The following PODXL2 variants were observed in gnomAD, a reference collection of about 807,000 sequenced individuals.
PODXL2 encodes podocalyxin-like protein 2.
Under a neutral mutation model 53.4 loss-of-function variants are expected in PODXL2, and 17 were observed. The observed-to-expected ratio is 0.32, with a 90% confidence interval of 0.22 to 0.48. The LOEUF is 0.48. Among genes scored for constraint, PODXL2 ranks in the 20% least tolerant of loss-of-function variants. The pLI is 0.99. For missense variants in PODXL2, 673 were observed against 760.0 expected, an observed-to-expected ratio of 0.89 and a Z score of 1.35; for synonymous variants, 311 against 306.7, an observed-to-expected ratio of 1.01 and a Z score of -0.15.
At chr3:127,637,074 C>T (rs1054208595) in intron 1 of PODXL2, among the ~76,000 whole-genome samples, 6 of 152,182 alleles carry the variant, frequency 3.9e-5, no homozygotes, top group South Asian at 4.1e-4. Flanking sequence ...CCGCCCGCCT[C>T]GGCCTCCCAA....
intron 7 of PODXL2, 23 bp from the exon 8 acceptor site, chr3:127,672,245 G>A: frequency 1.3e-6 from 2 of 1,535,954 alleles, no homozygotes; most frequent in Non-Finnish European, 8.7e-7. Context: ...GCTCGCCCAT[G>A]GCCTCTCCCC....
At chr3:127,667,932 AT>A (rs1311419976) in intron 4 of PODXL2, among the ~76,000 whole-genome samples, 1 of 151,998 alleles carries the variant, frequency 6.6e-6, no homozygotes, top group African/African-American at 2.4e-5. Context: ...GCCCTCCCCG[AT>A]TTTTGGTAGT....
At chr3:127,649,536 A>C (rs2074676120) in intron 2 of PODXL2, among the ~76,000 whole-genome samples, 1 of 152,248 alleles carries the variant, frequency 6.6e-6, no homozygotes, top group East Asian at 1.9e-4. Flanking sequence ...ACTAGGCATG[A>C]ATGACTTTGA....
chr3:127,638,910 C>T (rs2074595821), intron 1 of PODXL2, among the ~76,000 whole-genome samples: 1 of 152,158 alleles, frequency 6.6e-6, no homozygotes, highest in African/African-American at 2.4e-5. Flanking sequence ...GTAGCTCCAA[C>T]ACCCAGTACA....
At chr3:127,668,362 G>C in intron 4 of PODXL2, 79 bp from the exon 5 acceptor site, 1 of 1,303,600 alleles carries the variant, frequency 7.7e-7, no homozygotes, top group Non-Finnish European at 1.0e-6. Context: ...GGGTGAGTAC[G>C]GGGCTGGGCC....
chr3:127,631,011 G>C (rs892963143), intron 1 of PODXL2, among the ~76,000 whole-genome samples: 1 of 152,186 alleles, frequency 6.6e-6, no homozygotes, highest in Admixed American at 6.5e-5. Flanking sequence ...CCTCTCTCCC[G>C]TGCATGCTCT....
intron 1 of PODXL2, among the ~76,000 whole-genome samples, chr3:127,638,542 C>G (rs1227919567): frequency 6.6e-6 from 1 of 152,098 alleles, no homozygotes; most frequent in African/African-American, 2.4e-5. Context: ...TGGCGAAACC[C>G]TGTCTGTACT....
chr3:127,664,170 C>G (rs979071787), intron 4 of PODXL2, among the ~76,000 whole-genome samples: 71 of 152,258 alleles, frequency 4.7e-4, no homozygotes, highest in African/African-American at 1.6e-3. Flanking sequence ...CCACCATTCT[C>G]CTTGCACCCA....
In PODXL2 at chr3:127,660,852, T is replaced by C; in HGVS notation, c.824T>C (p.Leu275Pro). Residue 275 changes from leucine (L) to proline (P), a missense_variant, in exon 3 of 8, where the codon CTT becomes CCT. Physicochemically the swap from Leu to Pro is moderately conservative, Grantham distance 98. Transcript: ENST00000342480. ...GCCACAGTGCTGCCAGCTGCAGGGCTTGGGGTAGAGTTCGAGGCTCCTCAG... is the reference window on the plus strand; with the variant it reads ...GCCACAGTGCTGCCAGCTGCAGGGCCTGGGGTAGAGTTCGAGGCTCCTCAG... The part of the protein sequence containing the change: ...AEATVLPAAG[L>P]GVEFEAPQEA... 6.2e-7 allele frequency: 1 copy of C among 1,614,224 alleles called. No individual in the cohort carries two copies. The highest frequency in any genetic ancestry group is 1.6e-4 in the Middle Eastern group (1 of 6,062).
intron 1 of PODXL2, among the ~76,000 whole-genome samples, chr3:127,637,686 C>T (rs888322279): frequency 1.3e-5 from 2 of 152,222 alleles, no homozygotes; most frequent in Admixed American, 1.3e-4. Flanking sequence ...GACCTCAGGG[C>T]GTCTCTCTTA....
intron 6 of PODXL2, among the ~76,000 whole-genome samples, chr3:127,671,067 TCTAA>T (rs1205837661): frequency 6.6e-6 from 1 of 152,174 alleles, no homozygotes; most frequent in Non-Finnish European, 1.5e-5. Flanking sequence ...CTCCTGTCTC[TCTAA>T]CTAGTTAGGA....
intron 1 of PODXL2, among the ~76,000 whole-genome samples, chr3:127,630,273 C>A (rs368707622): frequency 3.9e-5 from 6 of 152,104 alleles, no homozygotes; most frequent in African/African-American, 1.4e-4. Flanking sequence ...GAGTGTGTTA[C>A]GGTGTATGTT....
chr3:127,666,351 G>T (rs193194659), intron 4 of PODXL2, among the ~76,000 whole-genome samples: 2 of 141,384 alleles, frequency 1.4e-5, no homozygotes, highest in African/African-American at 5.2e-5. Flanking sequence ...CTGAGGCTCA[G>T]AGAGGTACTT....
At chr3:127,659,302 G>A (rs956926620) in intron 2 of PODXL2, among the ~76,000 whole-genome samples, 1 of 152,008 alleles carries the variant, frequency 6.6e-6, no homozygotes, top group East Asian at 1.9e-4. Flanking sequence ...TTGGCTGAGG[G>A]GTTATCTGTT....
At position 127,671,478 on chromosome 3, in the gene PODXL2, G is replaced by GGCCAGCCAGGTGCGC. The variant is rs778703494; in HGVS notation, c.1471_1485dup (p.Ala491_Arg495dup). On this transcript the variant is annotated inframe_insertion, in exon 7 of 8. Transcript: ENST00000342480. ...CCACAACCAGCAGCTGCCAGGCGCGGGCCAGCCAGGTGCGCAGCGACTACG... is the reference window on the plus strand; with the variant it reads ...CCACAACCAGCAGCTGCCAGGCGCGGGCCAGCCAGGTGCGCGCCAGCCAGGTGCGCAGCGACTACG... The GGCCAGCCAGGTGCGC allele has an allele frequency of 2.5e-6, 4 of 1,614,150 alleles. No individual in the cohort carries two copies. In the South Asian group the frequency reaches 4.4e-5, roughly 18 times the overall value.
intron 4 of PODXL2, among the ~76,000 whole-genome samples, chr3:127,663,831 T>G (rs1244908717): frequency 6.6e-6 from 1 of 152,212 alleles, no homozygotes; most frequent in Non-Finnish European, 1.5e-5. Flanking sequence ...ACTTTTGGTG[T>G]GCATACTTGA....
chr3:127,667,957 C>T (rs539013390), intron 4 of PODXL2, among the ~76,000 whole-genome samples: 2 of 152,336 alleles, frequency 1.3e-5, no homozygotes, highest in South Asian at 4.1e-4. Flanking sequence ...ATGGTGCACA[C>T]CTCTTTTGGC....
At chr3:127,655,368 T>A (rs1040126744) in intron 2 of PODXL2, among the ~76,000 whole-genome samples, 33 of 152,102 alleles carry the variant, frequency 2.2e-4, no homozygotes, top group African/African-American at 6.3e-4. Flanking sequence ...ATCACACCAC[T>A]ACACTTCAGC....
chr3:127,668,609 C>T lies in PODXL2; in HGVS notation c.1363+12C>T. On this transcript the variant is annotated intron_variant, in intron 5 of 7. Coordinates refer to ENST00000342480, the MANE Select transcript of PODXL2 (RefSeq NM_015720.4). ...GGTGGGCGAGCAGGGTGAGCGAGGG[C>T]AGGTGATGGGAGGGCCCAGGAGGGC... 6.6e-7 allele frequency: 1 copy of T among 1,509,630 alleles called. No individual in the cohort carries two copies. Among genetic ancestry groups the T allele is most frequent in the Non-Finnish European group, 8.9e-7 (1 of 1,126,690 alleles). The allele number at this position is 1,509,630 out of a possible 1,614,324, so 93.5% of individuals were successfully genotyped here. A position where few individuals can be genotyped will look rare whatever the true frequency, so the allele number is the denominator to read the frequency against.
Sources: gnomAD v4.1 joint callset for allele counts (sites outside exome capture counted in the v4.1 genomes callset) on GRCh38, gnomAD v4.1.1 for gene constraint, MANE v1.5 for transcripts, NCBI Gene and HGNC (gene_info 2026-07-23, HGNC 2026-07-21) for gene names.